Variants in DNAH7 observed in about 807,000 individuals in gnomAD.
DNAH7 encodes axonemal beta dynein heavy chain 7.
DNAH7 carries 397 observed loss-of-function variants against 444.6 expected under a neutral mutation model. The ratio of observed to expected loss-of-function variants is 0.89; its 90% CI spans 0.82 to 0.97. The LOEUF (loss-of-function observed/expected upper bound fraction) is 0.97, where lower values mean the gene tolerates loss of function less well. Among genes scored for constraint, DNAH7 ranks in the 50% least tolerant of loss-of-function variants. The pLI, the probability that DNAH7 is intolerant of heterozygous loss-of-function variation, is 0.00. For synonymous variants in DNAH7, 1,636 were observed against 1,624.4 expected (o/e 1.01, Z -0.17); for missense variants, 4,902 against 4,800.8 (o/e 1.02, Z -0.62).
chr2:195,825,384 T>C (rs930354790), intron 48 of DNAH7, among the ~76,000 whole-genome samples: 6 of 152,330 alleles, frequency 3.9e-5, no homozygotes, highest in South Asian at 2.1e-4. Context: ...AAACAACACA[T>C]TGAATTTTGC....
intron 64 of DNAH7, among the ~76,000 whole-genome samples, chr2:195,738,437 A>T (rs1226028296): frequency 6.6e-6 from 1 of 152,060 alleles, no homozygotes; most frequent in Non-Finnish European, 1.5e-5. Context: ...ATACACTTTC[A>T]AAGGAGAGAA....
chr2:195,976,784 A>AGAGAGAGAGAGAGAGG (rs1271382845), intron 15 of DNAH7, among the ~76,000 whole-genome samples: 73 of 146,022 alleles, frequency 5.0e-4, no homozygotes, highest in Admixed American at 2.1e-3. Context: ...AGAGAGAGAG[A>AGAGAGAGAGAGAGAGG]GAGACTCTCT....
In DNAH7 at chr2:195,780,886, T is replaced by A. The variant is rs147085430; in HGVS notation, c.10879-2901A>T. 4.9e-3 allele frequency among the ~76,000 whole-genome samples: 751 copies of A among 152,270 alleles called. 4 individuals are homozygous for A. The highest frequency in any genetic ancestry group is 0.017 in the African/African-American group (718 of 41,544). ...CCTACTAAAATCTAAAGTGCATAGA[T>A]CTGACATTCTAGTGATCCCACTTTG... On this transcript the variant is annotated intron_variant, in intron 58 of 64. Transcript: ENST00000312428.
At chr2:195,970,311 G>C (rs1691757319) in intron 16 of DNAH7, among the ~76,000 whole-genome samples, 2 of 152,082 alleles carry the variant, frequency 1.3e-5, no homozygotes, top group South Asian at 4.1e-4. Flanking sequence ...ATTAGAAAAA[G>C]TCAACTCTGT....
At chr2:195,951,946 G>A (rs1180305299) in intron 19 of DNAH7, among the ~76,000 whole-genome samples, 14 of 152,118 alleles carry the variant, frequency 9.2e-5, no homozygotes. Context: ...GGTTAATATA[G>A]TTATGTGTGA....
At chr2:195,876,776 A>G in intron 36 of DNAH7, 77 bp from the exon 37 acceptor site, 1 of 981,452 alleles carries the variant, frequency 1.0e-6, no homozygotes, top group Non-Finnish European at 1.5e-6. Flanking sequence ...AAGCATCATT[A>G]CTGATAGACT....
At chr2:195,853,642 G>T (rs1343924616) in intron 45 of DNAH7, 114 bp from the exon 46 acceptor site, 3 of 1,062,470 alleles carry the variant, frequency 2.8e-6, no homozygotes, top group Non-Finnish European at 4.0e-6. Context: ...CTTCTGCCTG[G>T]GATTTCCTAT....
intron 3 of DNAH7, among the ~76,000 whole-genome samples, chr2:196,049,933 G>T (rs1697363517): frequency 6.6e-6 from 1 of 152,166 alleles, no homozygotes; most frequent in Non-Finnish European, 1.5e-5. Context: ...GAGGGATTTT[G>T]CAGAACTAGA....
chr2:196,007,391 C>T (rs1005734961), intron 10 of DNAH7, among the ~76,000 whole-genome samples: 2 of 152,126 alleles, frequency 1.3e-5, no homozygotes, highest in Non-Finnish European at 2.9e-5. Flanking sequence ...AATTTGGGCT[C>T]CTACCTCAGA....
intron 1 of DNAH7, among the ~76,000 whole-genome samples, chr2:196,063,007 C>T (rs1437590716): frequency 1.3e-5 from 2 of 152,066 alleles, no homozygotes; most frequent in Non-Finnish European, 2.9e-5. Flanking sequence ...CTAAGCCTCC[C>T]GAGTAGCTAG....
At position 195,900,454 on chromosome 2, in the gene DNAH7, G is replaced by A; in HGVS notation, c.4376C>T (p.Ala1459Val). The change falls in exon 28 of 65, where the codon GCC (alanine) becomes GTC (valine). Residue 1459 changes from alanine to valine, a missense_variant. Transcript: ENST00000312428. ...GTATAGGACTATTTCAGCAATCATG[G>A]CATAGTCAGGTACCATCATTGCTAC... ...RTVAMMVPDY[A>V]MIAEIVLYSC... The A allele has an allele frequency of 6.2e-7, 1 of 1,613,920 alleles. No individual in the cohort carries two copies. The highest frequency in any genetic ancestry group is 8.5e-7 in the Non-Finnish European group (1 of 1,179,870).
intron 5 of DNAH7, among the ~76,000 whole-genome samples, chr2:196,046,511 T>C (rs1697137484): frequency 6.6e-6 from 1 of 152,188 alleles, no homozygotes; most frequent in South Asian, 2.1e-4. Flanking sequence ...GCTTGTTTGA[T>C]CTGAGAGTGC....
intron 20 of DNAH7, among the ~76,000 whole-genome samples, chr2:195,936,263 A>G (rs1481187994): frequency 1.3e-5 from 2 of 152,072 alleles, no homozygotes; most frequent in Non-Finnish European, 2.9e-5. Context: ...AATCCCAGCT[A>G]CTCGGGAAGC....
chr2:195,775,941 G>T lies in DNAH7; in HGVS notation c.11107C>A (p.Pro3703Thr), dbSNP rs756916653. ...TTCATCCCAAAGATTTCTGGTGCTG[G>T]GGTCAGTGGCAGAGTCTTTGTGTAT... ...IEYTKTLPLT[P>T]APEIFGMNAN... is the part of the protein sequence containing the mutation. Residue 3703 changes from proline (P) to threonine (T), a missense_variant, in exon 60 of 65, where the codon CCA becomes ACA. Transcript: ENST00000312428. 1 of 1,614,162 alleles carries T rather than the reference G, an allele frequency of 6.2e-7. No homozygotes were observed. The highest frequency in any genetic ancestry group is 1.3e-5 in the African/African-American group (1 of 75,030).
rs555902053 is a variant in DNAH7, at chr2:195,965,914, TATC to T, written c.2205+4031_2205+4033del. Among the ~76,000 whole-genome samples, 378 of 152,152 alleles carry T rather than the reference TATC, an allele frequency of 2.5e-3. 2 individuals are homozygous for T. Among genetic ancestry groups the T allele is most frequent in the Non-Finnish European group, 1.9e-3 (129 of 67,916 alleles). On this transcript the variant is annotated intron_variant, in intron 17 of 64. Transcript: ENST00000312428. ...ATTTTATTTTTTCAAAAACTTTTCA[TATC>T]ATTAATTTTTATTGTTTTCTTCATT...
intron 1 of DNAH7, 124 bp from the exon 2 acceptor site, chr2:196,058,240 T>C: frequency 1.7e-6 from 1 of 584,310 alleles, no homozygotes; most frequent in Non-Finnish European, 2.9e-6. Flanking sequence ...AAACATACTG[T>C]ACAAATGGCA....
intron 27 of DNAH7, chr2:195,900,731 G>A (rs2125264638): frequency 2.5e-6 from 1 of 399,400 alleles, no homozygotes; most frequent in Non-Finnish European, 4.6e-6. Context: ...CTAGTGTACT[G>A]TAGCACTGTG....
intron 63 of DNAH7, among the ~76,000 whole-genome samples, chr2:195,749,642 C>G (rs1364154407): frequency 6.6e-6 from 1 of 151,172 alleles, no homozygotes; most frequent in African/African-American, 2.4e-5. Flanking sequence ...CCATGGAATA[C>G]TATGCAGCCA....
chr2:195,796,905 A>G (rs1696171435), intron 55 of DNAH7, among the ~76,000 whole-genome samples, 168 bp from the exon 56 acceptor site: 1 of 152,234 alleles, frequency 6.6e-6, no homozygotes, highest in Admixed American at 6.5e-5. Flanking sequence ...AGAATCTTAT[A>G]AACACTTCGA....
Sources: allele counts gnomAD v4.1 joint callset (sites outside exome capture counted in the v4.1 genomes callset), GRCh38; gene constraint gnomAD v4.1.1; transcripts MANE v1.5; gene names NCBI Gene and HGNC (gene_info 2026-07-23, HGNC 2026-07-21).